Variants in PRKAG2 observed in about 807,000 individuals in gnomAD.
PRKAG2 encodes 5'-AMP-activated protein kinase subunit gamma-2.
A neutral mutation model predicts 69.6 loss-of-function variants in PRKAG2; 26 were observed. The observed-to-expected ratio is 0.37, with a 90% confidence interval of 0.27 to 0.52. PRKAG2 has a LOEUF of 0.52. Ranked by LOEUF, PRKAG2 falls within the 20% of genes least tolerant of loss-of-function variation. The probability of loss-of-function intolerance (pLI) is 0.90; values close to 1 mark genes in which losing one functional copy is unlikely to be tolerated. For synonymous variants in PRKAG2, 293 were observed against 285.0 expected, an observed-to-expected ratio of 1.03 and a Z score of -0.28; for missense variants, 557 against 740.0, an observed-to-expected ratio of 0.75 and a Z score of 2.87.
intron 15 of PRKAG2, 30 bp downstream of exon 15, chr7:151,560,494 G>A (rs774372011): frequency 2.2e-5 from 35 of 1,613,758 alleles, no homozygotes; most frequent in Middle Eastern, 3.3e-4. Flanking sequence ...CCTAGACGCC[G>A]ATGGCAAAGG....
At chr7:151,727,507 CTG>C (rs906577329) in intron 3 of PRKAG2, among the ~76,000 whole-genome samples, 4 of 152,184 alleles carry the variant, frequency 2.6e-5, no homozygotes, top group African/African-American at 9.6e-5. Flanking sequence ...GGCTAGGAAA[CTG>C]AGGCTGATCA....
At chr7:151,710,735 A>G (rs1327374239) in intron 3 of PRKAG2, among the ~76,000 whole-genome samples, 1 of 152,204 alleles carries the variant, frequency 6.6e-6, no homozygotes, top group East Asian at 1.9e-4. Context: ...GCCCAGATAC[A>G]CACATGGAGA....
At chr7:151,731,601 C>A (rs576204810) in intron 3 of PRKAG2, among the ~76,000 whole-genome samples, 80 of 152,154 alleles carry the variant, frequency 5.3e-4, no homozygotes, top group African/African-American at 1.9e-3. Context: ...GCAGGGAAGC[C>A]CCCAGATAAA....
intron 5 of PRKAG2, among the ~76,000 whole-genome samples, chr7:151,616,522 C>T (rs1820186733): frequency 6.6e-6 from 1 of 152,208 alleles, no homozygotes; most frequent in South Asian, 2.1e-4. Flanking sequence ...AGGAATAGGC[C>T]AGGAAAGCTG....
chr7:151,773,155 A>G (rs1461178759), intron 3 of PRKAG2, among the ~76,000 whole-genome samples: 4 of 143,504 alleles, frequency 2.8e-5, no homozygotes, highest in African/African-American at 1.1e-4. Context: ...AAAGGAAGGA[A>G]GGAAGGGAAG....
At chr7:151,743,894 C>T (rs939205683) in intron 3 of PRKAG2, among the ~76,000 whole-genome samples, 2 of 152,196 alleles carry the variant, frequency 1.3e-5, no homozygotes, top group African/African-American at 4.8e-5. Flanking sequence ...GAGGCCATGG[C>T]ACTAGGTCCC....
Position 151,609,126 on chromosome 7 carries a change from T to C in PRKAG2, c.755-13672A>G, listed in dbSNP as rs180673825. 3.3e-5 allele frequency among the ~76,000 whole-genome samples: 5 copies of C among 152,328 alleles called. No individual in the cohort carries two copies. The East Asian group carries it at 9.6e-4, about 29-fold the overall frequency. ...TTTCTAATTCTATTAGACAAAAAAA[T>C]GCAGTTGAATTGAATAAGATTGCAG... On this transcript the variant is annotated intron_variant, in intron 5 of 15. Transcript: ENST00000287878.
In PRKAG2 at chr7:151,743,841, C is replaced by G. The variant is rs1445562048; in HGVS notation, c.466+37311G>C. On this transcript the variant is annotated intron_variant, in intron 3 of 15. Transcript: ENST00000287878. ...AGGCTGTGCTGACTGCTCCTCTGCC[C>G]TCGGCAGGGCTCCAGGCTTGGCCAG... Among the ~76,000 whole-genome samples, 6 of 152,182 alleles carry G rather than the reference C, an allele frequency of 3.9e-5. No individual in the cohort carries two copies. In the South Asian group the frequency reaches 1.2e-3, roughly 32 times the overall value.
At chr7:151,812,670 C>A (rs925219438) in intron 1 of PRKAG2, among the ~76,000 whole-genome samples, 1 of 152,148 alleles carries the variant, frequency 6.6e-6, no homozygotes, top group African/African-American at 2.4e-5. Flanking sequence ...GTAACAAACA[C>A]GAAGACCAGG....
chr7:151,665,073 C>T lies in PRKAG2; in HGVS notation c.684+10347G>A, dbSNP rs181890476. ...GTATTTCATCTGTTAGTTTTGCTGC[C>T]CCGTGAGTGAAGAGGCAGGATGCAC... On this transcript the variant is annotated intron_variant, in intron 4 of 15. Transcript: ENST00000287878. 2.0e-5 allele frequency among the ~76,000 whole-genome samples: 3 copies of T among 152,188 alleles called. No individual in the cohort carries two copies. The East Asian group carries it at 5.8e-4, about 29-fold the overall frequency.
chr7:151,818,521 G>A (rs555498114), intron 1 of PRKAG2, among the ~76,000 whole-genome samples: 1 of 152,242 alleles, frequency 6.6e-6, no homozygotes, highest in African/African-American at 2.4e-5. Flanking sequence ...GCACCAGGCC[G>A]GCAGGGCAGC....
intron 3 of PRKAG2, among the ~76,000 whole-genome samples, chr7:151,722,246 A>AT: frequency 6.6e-6 from 1 of 152,290 alleles, no homozygotes; most frequent in East Asian, 1.9e-4. Flanking sequence ...GGTTCAGCCC[A>AT]TTGCAGTCTG....
chr7:151,784,120 C>T (rs533219768), intron 2 of PRKAG2, among the ~76,000 whole-genome samples: 2 of 151,950 alleles, frequency 1.3e-5, no homozygotes, highest in African/African-American at 4.8e-5. Flanking sequence ...ATGTGGACAA[C>T]GACTTGGTTG....
chr7:151,704,639 C>A lies in PRKAG2; in HGVS notation c.467-29002G>T, dbSNP rs559918464. On this transcript the variant is annotated intron_variant, in intron 3 of 15. Transcript: ENST00000287878. ...CTTGCTTTTAGTTAATGTATTTATT[C>A]AGCACAGAAGACATTATAGAGAGAT... Among the ~76,000 whole-genome samples, 9 of 152,236 alleles carry A rather than the reference C, an allele frequency of 5.9e-5. No individual in the cohort carries two copies. The South Asian group carries it at 1.9e-3, about 32-fold the overall frequency.
chr7:151,814,367 C>A lies in PRKAG2; in HGVS notation c.115-27826G>T, dbSNP rs184919758. The A allele has an allele frequency of 2.6e-6, 3 of 1,173,820 alleles. No individual in the cohort carries two copies. The highest frequency in any genetic ancestry group is 3.2e-6 in the Non-Finnish European group (3 of 942,922). The allele number at this position is 1,173,820 out of a possible 1,614,324, so 72.7% of individuals were successfully genotyped here. A position where few individuals can be genotyped will look rare whatever the true frequency, so the allele number is the denominator to read the frequency against. ...AGGGGGAAAACCGCACACCCAGGGA[C>A]GCACAATCACTATGCATTTAGAAAG... On this transcript the variant is annotated intron_variant, in intron 1 of 15. Transcript: ENST00000287878. The surrounding 1 kb of genome is among the most constrained non-coding windows in gnomAD (Gnocchi z 4.8).
chr7:151,858,379 T>C (rs1351111916), intron 1 of PRKAG2, among the ~76,000 whole-genome samples: 1 of 152,248 alleles, frequency 6.6e-6, no homozygotes, highest in Admixed American at 6.5e-5. Flanking sequence ...ACTGGCTCCT[T>C]GGAGCTTTAA....
intron 1 of PRKAG2, among the ~76,000 whole-genome samples, chr7:151,868,669 G>A (rs759671222): frequency 3.3e-5 from 5 of 152,224 alleles, no homozygotes; most frequent in African/African-American, 7.2e-5. Flanking sequence ...CATTTTGGCC[G>A]AAGGGAGGGC....
rs1046404693 is a variant in PRKAG2 at position 151,800,083 on chromosome 7, T to C, written c.115-13542A>G. On this transcript the variant is annotated intron_variant, in intron 1 of 15. Transcript: ENST00000287878. ...TTTGAAAGTCGCCTCACGGGCCGGG[T>C]GCGGTGGCTCATGCCTGTAATCCCA... Among the ~76,000 whole-genome samples the C allele has an allele frequency of 1.1e-4, 17 of 150,772 alleles. 2 individuals are homozygous for C. The highest frequency in any genetic ancestry group is 5.8e-4 in the East Asian group (3 of 5,142).
At chr7:151,663,944 A>G (rs1374601416) in intron 4 of PRKAG2, among the ~76,000 whole-genome samples, 1 of 152,234 alleles carries the variant, frequency 6.6e-6, no homozygotes, top group East Asian at 1.9e-4. Flanking sequence ...TGTGAGCCAT[A>G]TAGTCTCTGT....
Sources: allele counts gnomAD v4.1 joint callset (sites outside exome capture counted in the v4.1 genomes callset), GRCh38; gene constraint gnomAD v4.1.1; non-coding constraint Gnocchi (gnomAD v3.1); transcripts MANE v1.5; gene names NCBI Gene and HGNC (gene_info 2026-07-23, HGNC 2026-07-21).